Variants in MAGI2 observed in about 807,000 individuals in gnomAD.
MAGI2 encodes membrane-associated guanylate kinase, WW and PDZ domain-containing protein 2.
Under a neutral mutation model 133.3 loss-of-function variants are expected in MAGI2, and 35 were observed. That is an observed-to-expected ratio of 0.26 (90% CI 0.20 to 0.35). MAGI2 has a LOEUF of 0.35. Among genes scored for constraint, MAGI2 ranks in the 10% least tolerant of loss-of-function variants. The pLI, the probability that MAGI2 is intolerant of heterozygous loss-of-function variation, is 1.00. For synonymous variants in MAGI2, 729 were observed against 710.6 expected, an observed-to-expected ratio of 1.03 and a Z score of -0.41; for missense variants, 1,636 against 1,863.4, an observed-to-expected ratio of 0.88 and a Z score of 2.25.
intron 1 of MAGI2, among the ~76,000 whole-genome samples, chr7:79,008,165 G>A (rs929046893): frequency 1.4e-4 from 22 of 152,044 alleles, no homozygotes; most frequent in African/African-American, 5.3e-4. Context: ...AAATATACTA[G>A]GGAAATTGAG....
intron 1 of MAGI2, among the ~76,000 whole-genome samples, chr7:79,307,769 T>C (rs1585512523): frequency 1.3e-5 from 2 of 152,308 alleles, no homozygotes; most frequent in South Asian, 4.1e-4. Flanking sequence ...AAAGCCAAAG[T>C]CTCTTCCTAC....
intron 1 of MAGI2, among the ~76,000 whole-genome samples, chr7:79,449,623 C>T (rs1054784339): frequency 2.0e-5 from 3 of 151,668 alleles, no homozygotes; most frequent in East Asian, 1.9e-4. Flanking sequence ...GATGCATTAA[C>T]GAGATCATAG....
intron 2 of MAGI2, among the ~76,000 whole-genome samples, chr7:78,638,567 C>T (rs1046118786): frequency 6.6e-6 from 1 of 152,154 alleles, no homozygotes; most frequent in Non-Finnish European, 1.5e-5. Context: ...CCAATAAAAT[C>T]AGATTCCTTG....
intron 2 of MAGI2, among the ~76,000 whole-genome samples, chr7:78,753,791 A>C (rs1438038866): frequency 6.6e-6 from 1 of 152,160 alleles, no homozygotes; most frequent in Non-Finnish European, 1.5e-5. Context: ...GAAAACTTCA[A>C]CACAGAGAAA....
chr7:78,493,296 C>A (rs1274737127), intron 5 of MAGI2, among the ~76,000 whole-genome samples: 1 of 152,168 alleles, frequency 6.6e-6, no homozygotes, highest in Non-Finnish European at 1.5e-5. Context: ...AATATCCTAT[C>A]TTCTGAGAAA....
intron 1 of MAGI2, among the ~76,000 whole-genome samples, chr7:79,274,498 T>C (rs976734065): frequency 1.3e-4 from 19 of 151,898 alleles, no homozygotes; most frequent in African/African-American, 4.1e-4. Flanking sequence ...GGAACCAGAT[T>C]AGGAAATGTG....
At chr7:78,444,806 A>G (rs1389141820) in intron 6 of MAGI2, among the ~76,000 whole-genome samples, 3 of 149,682 alleles carry the variant, frequency 2.0e-5, no homozygotes, top group Non-Finnish European at 3.0e-5. Context: ...ATATGTGTGT[A>G]CATACAAATA....
intron 1 of MAGI2, among the ~76,000 whole-genome samples, chr7:79,323,156 C>T (rs1235230497): frequency 6.6e-6 from 1 of 152,092 alleles, no homozygotes; most frequent in Non-Finnish European, 1.5e-5. Context: ...TGACGTCCTC[C>T]TTCATTCACT....
At chr7:78,149,704 C>T (rs1027177938) in intron 16 of MAGI2, among the ~76,000 whole-genome samples, 2 of 152,174 alleles carry the variant, frequency 1.3e-5, no homozygotes, top group African/African-American at 4.8e-5. Flanking sequence ...CTCTTTCTTG[C>T]TTTCTGGAAG....
At chr7:78,375,613 A>T (rs28647315) in intron 6 of MAGI2, among the ~76,000 whole-genome samples, 72,677 of 151,826 alleles carry the variant, frequency 0.48, 18,302 homozygotes, top group Middle Eastern at 0.59. Context: ...TTCTTGTTTG[A>T]TTGTTTTAGA....
chr7:79,043,999 C>T (rs1159138002), intron 1 of MAGI2, among the ~76,000 whole-genome samples: 2 of 151,684 alleles, frequency 1.3e-5, no homozygotes, highest in African/African-American at 4.8e-5. Flanking sequence ...ACCAGACATA[C>T]AGAGAAGAGA....
rs372337513 is a variant in MAGI2 at position 78,422,242 on chromosome 7, G to A, written c.1046-53029C>T. On this transcript the variant is annotated intron_variant, in intron 6 of 21. Transcript: ENST00000354212. ...AGTGCCTATACCTTATGCCAGCTGC[G>A]GTACATGCGTATTCTCATTTGTCAC... Among the ~76,000 whole-genome samples the A allele has an allele frequency of 1.1e-4, 16 of 152,128 alleles. No individual in the cohort carries two copies. In the South Asian group the frequency reaches 1.2e-3, roughly 12 times the overall value.
At chr7:78,086,528 C>T (rs182031404) in intron 20 of MAGI2, among the ~76,000 whole-genome samples, 1 of 151,566 alleles carries the variant, frequency 6.6e-6, no homozygotes, top group East Asian at 2.0e-4. Context: ...TAAGGCACCG[C>T]ACCCGGTCTC....
chr7:78,869,389 T>C (rs73143052), intron 2 of MAGI2, among the ~76,000 whole-genome samples: 10,484 of 152,212 alleles, frequency 0.069, 472 homozygotes, highest in African/African-American at 0.13. Flanking sequence ...CCATCTTAAG[T>C]TGATTTTTGT....
intron 9 of MAGI2, among the ~76,000 whole-genome samples, chr7:78,266,376 T>C (rs993404294): frequency 7.9e-5 from 12 of 151,896 alleles, no homozygotes; most frequent in African/African-American, 2.9e-4. Flanking sequence ...AATTTTTGTA[T>C]ATTTTGGTAG....
intron 2 of MAGI2, among the ~76,000 whole-genome samples, chr7:78,927,954 A>T (rs572896396): frequency 6.6e-6 from 1 of 152,098 alleles, no homozygotes; most frequent in South Asian, 2.1e-4. Context: ...CTAAAATTTT[A>T]GAAAAATACT....
At chr7:78,377,488 T>G (rs1024690) in intron 6 of MAGI2, among the ~76,000 whole-genome samples, 124,194 of 151,634 alleles carry the variant, frequency 0.82, 50,985 homozygotes, top group Admixed American at 0.85. Context: ...CAGAATAACA[T>G]TCTTGGGAAG....
chr7:78,806,757 A>G (rs1238240953), intron 2 of MAGI2, among the ~76,000 whole-genome samples: 2 of 151,984 alleles, frequency 1.3e-5, no homozygotes, highest in African/African-American at 2.4e-5. Flanking sequence ...AGTCCTAGCT[A>G]CTTGGGAGGC....
chr7:79,078,149 C>G (rs1010079998), intron 1 of MAGI2, among the ~76,000 whole-genome samples: 1 of 152,148 alleles, frequency 6.6e-6, no homozygotes, highest in Non-Finnish European at 1.5e-5. Flanking sequence ...CCCAAATAGA[C>G]AGTTTAGAAA....
Sources: gnomAD v4.1 joint callset for allele counts (sites outside exome capture counted in the v4.1 genomes callset) on GRCh38, gnomAD v4.1.1 for gene constraint, MANE v1.5 for transcripts, NCBI Gene and HGNC (gene_info 2026-07-23, HGNC 2026-07-21) for gene names.